PDE1C: variants seen among roughly 807,000 people sequenced by gnomAD.
PDE1C encodes the protein dual specificity calcium/calmodulin-dependent 3',5'-cyclic nucleotide phosphodiesterase 1C.
In PDE1C, 62 loss-of-function variants were observed where a neutral mutation model predicts 93.1. The ratio of observed to expected loss-of-function variants is 0.67; its 90% CI spans 0.54 to 0.82. The LOEUF is 0.82. Among genes scored for constraint, PDE1C ranks in the 40% least tolerant of loss-of-function variants. The probability of loss-of-function intolerance (pLI) is 0.00; values close to 1 mark genes in which losing one functional copy is unlikely to be tolerated. For synonymous variants in PDE1C, 325 were observed against 310.1 expected, an observed-to-expected ratio of 1.05 and a Z score of -0.50; for missense variants, 742 against 884.6, an observed-to-expected ratio of 0.84 and a Z score of 2.04.
At chr7:32,027,038 CAG>C (rs1789530364) in intron 2 of PDE1C, among the ~76,000 whole-genome samples, 2 of 152,050 alleles carry the variant, frequency 1.3e-5, no homozygotes, top group Admixed American at 1.3e-4. Flanking sequence ...AGGCAGAGCA[CAG>C]AGAGTTTTCA....
chr7:31,747,848 A>G (rs1222172982), downstream of PDE1C, among the ~76,000 whole-genome samples: 1 of 81,728 alleles, frequency 1.2e-5, no homozygotes, highest in Non-Finnish European at 2.7e-5. Context: ...GTCAGTCTGC[A>G]AAACATCTCA....
chr7:32,056,569 T>G (rs1405842111), intron 1 of PDE1C, among the ~76,000 whole-genome samples: 2 of 152,144 alleles, frequency 1.3e-5, no homozygotes, highest in East Asian at 3.9e-4. Context: ...TTTCCTCATC[T>G]GTAAAATTTG....
At chr7:32,417,085 C>G (rs1785290248) in intron 1 of PDE1C, among the ~76,000 whole-genome samples, 1 of 152,148 alleles carries the variant, frequency 6.6e-6, no homozygotes, top group Non-Finnish European at 1.5e-5. Flanking sequence ...ACAGACTAAT[C>G]TAGCCTGTGT....
At chr7:32,169,721 A>G (rs1802526008) in intron 3 of PDE1C, 34 of 1,402,250 alleles carry the variant, frequency 2.4e-5, no homozygotes, top group Non-Finnish European at 2.9e-5. Context: ...CTATGCATCT[A>G]ACTGGATTGA....
intron 1 of PDE1C, among the ~76,000 whole-genome samples, chr7:32,337,490 G>T (rs1479486155): frequency 6.6e-6 from 1 of 152,180 alleles, no homozygotes; most frequent in Non-Finnish European, 1.5e-5. Context: ...CTTTATCTGG[G>T]AAGATCTGCA....
the PDE1C span, among the ~76,000 whole-genome samples, chr7:31,671,061 A>G: frequency 6.6e-6 from 1 of 152,124 alleles, no homozygotes; most frequent in South Asian, 2.1e-4. Flanking sequence ...CACTGGCAAT[A>G]AAATCCCCCA....
At chr7:32,011,210 T>G (rs1345521452) in intron 2 of PDE1C, among the ~76,000 whole-genome samples, 1 of 148,712 alleles carries the variant, frequency 6.7e-6, no homozygotes, top group Non-Finnish European at 1.5e-5. Context: ...TTTTTTTTTT[T>G]GAGAAGAAGT....
intron 2 of PDE1C, among the ~76,000 whole-genome samples, chr7:31,951,359 G>GTAGGT (rs1425945533): frequency 6.6e-6 from 1 of 152,160 alleles, no homozygotes; most frequent in African/African-American, 2.4e-5. Context: ...TCAAAGAAGA[G>GTAGGT]TAGGTTCCAA....
chr7:32,340,684 A>T (rs1783730707), intron 1 of PDE1C, among the ~76,000 whole-genome samples: 1 of 152,252 alleles, frequency 6.6e-6, no homozygotes, highest in Admixed American at 6.5e-5. Context: ...CTACCAAGCC[A>T]TGAAAAGACA....
At chr7:32,122,665 A>G (rs936970256) in intron 3 of PDE1C, among the ~76,000 whole-genome samples, 1 of 152,230 alleles carries the variant, frequency 6.6e-6, no homozygotes, top group African/African-American at 2.4e-5. Context: ...TTTGAAACCA[A>G]TGAAAACAAA....
rs572815878 is a variant in PDE1C at position 32,316,712 on chromosome 7, C to T, written c.311-107173G>A. ...TTGCCCAAAAACTCTACCAGAGAAT[C>T]AGACAGTCTGTATTATCATGATAAA... On this transcript the variant is annotated intron_variant, in intron 1 of 1. Transcript: ENST00000672256. Among the ~76,000 whole-genome samples the T allele has an allele frequency of 3.3e-5, 5 of 152,296 alleles. No homozygotes were observed. In the East Asian group the frequency reaches 9.6e-4, roughly 29 times the overall value.
chr7:31,720,804 C>A, the PDE1C span, among the ~76,000 whole-genome samples: 5 of 152,308 alleles, frequency 3.3e-5, no homozygotes, highest in East Asian at 5.8e-4. Flanking sequence ...GAGCAATGTA[C>A]ATTTGCCAAG....
At chr7:31,999,928 TAC>T (rs1275466220) in intron 2 of PDE1C, among the ~76,000 whole-genome samples, 1 of 152,124 alleles carries the variant, frequency 6.6e-6, no homozygotes. Flanking sequence ...GTGCTCCTAA[TAC>T]AGATTTCCAT....
At chr7:31,697,000 G>A in the PDE1C span, 6 of 1,614,140 alleles carry the variant, frequency 3.7e-6, no homozygotes, top group African/African-American at 4.0e-5. Context: ...AAGATACGAT[G>A]TTCAAGAGAG....
At chr7:31,782,568 G>A (rs1006354019) in intron 16 of PDE1C, among the ~76,000 whole-genome samples, 1 of 152,186 alleles carries the variant, frequency 6.6e-6, no homozygotes, top group African/African-American at 2.4e-5. Flanking sequence ...TGATGAAGGG[G>A]TGGTATTTGT....
intron 2 of PDE1C, among the ~76,000 whole-genome samples, chr7:31,965,359 T>C (rs7784880): frequency 0.66 from 99,990 of 152,008 alleles, 34,004 homozygotes; most frequent in African/African-American, 0.83. Context: ...AGGGTATCAG[T>C]GATGGAAGAC....
chr7:31,907,079 G>A (rs796388223), intron 2 of PDE1C, among the ~76,000 whole-genome samples: 8 of 151,430 alleles, frequency 5.3e-5, no homozygotes, highest in African/African-American at 2.0e-4. Flanking sequence ...GGGTGTGTGT[G>A]TGTGTGTGTG....
At chr7:32,297,957 C>A (rs4723142) in intron 1 of PDE1C, among the ~76,000 whole-genome samples, 11,622 of 25,294 alleles carry the variant, frequency 0.46, 708 homozygotes, top group South Asian at 0.49. Flanking sequence ...ATTGTTCAAT[C>A]TCTCTCTCTC....
At chr7:32,305,713 C>A (rs960120011) in intron 1 of PDE1C, among the ~76,000 whole-genome samples, 1 of 152,200 alleles carries the variant, frequency 6.6e-6, no homozygotes, top group Non-Finnish European at 1.5e-5. Flanking sequence ...GAGTTTCAGG[C>A]ATTCCTTGGG....
Sources: allele counts gnomAD v4.1 joint callset (sites outside exome capture counted in the v4.1 genomes callset), GRCh38; gene constraint gnomAD v4.1.1; transcripts MANE v1.5; gene names NCBI Gene and HGNC (gene_info 2026-07-23, HGNC 2026-07-21).